The following DCBLD2 variants were observed in gnomAD, a reference collection of about 807,000 sequenced individuals.
DCBLD2 encodes the protein discoidin, CUB and LCCL domain containing 2, also known as discoidin, CUB and LCCL domain-containing protein 2.
DCBLD2 carries 54 observed loss-of-function variants against 86.8 expected under a neutral mutation model. The ratio of observed to expected loss-of-function variants is 0.62; its 90% CI spans 0.50 to 0.78. DCBLD2 has a LOEUF of 0.78. DCBLD2 is among the 30% of genes least tolerant of loss of function. The pLI, the probability that DCBLD2 is intolerant of heterozygous loss-of-function variation, is 0.00. For synonymous variants in DCBLD2, 354 were observed against 341.3 expected (o/e 1.04, Z -0.41); for missense variants, 908 against 954.2 (o/e 0.95, Z 0.64).
At chr3:98,835,708 C>A (rs1030808523) in intron 3 of DCBLD2, among the ~76,000 whole-genome samples, 15 of 148,750 alleles carry the variant, frequency 1.0e-4, no homozygotes, top group African/African-American at 3.2e-4. Flanking sequence ...TGCCACCATG[C>A]CTGGCTAATT....
intron 4 of DCBLD2, among the ~76,000 whole-genome samples, chr3:98,824,320 T>G (rs1212668276): frequency 7.4e-6 from 1 of 135,594 alleles, no homozygotes; most frequent in Non-Finnish European, 1.6e-5. Flanking sequence ...TAGGCAATAG[T>G]ACAGCAGCCC....
chr3:98,870,733 AAGAAAAAGAAAGAAAGAAAG>A (rs1207537504), intron 2 of DCBLD2, among the ~76,000 whole-genome samples: 8 of 113,892 alleles, frequency 7.0e-5, no homozygotes, highest in African/African-American at 2.8e-4. Context: ...AAAGAAAAGA[AAGAAAAAGAAAGAAAGAAAG>A]AAAGAAAGAA....
At chr3:98,850,103 T>C (rs181170307) in intron 2 of DCBLD2, among the ~76,000 whole-genome samples, 4 of 152,304 alleles carry the variant, frequency 2.6e-5, no homozygotes, top group Admixed American at 1.3e-4. Flanking sequence ...ATCCCATGGC[T>C]TTAACTATGA....
chr3:98,845,988 T>G (rs955332075), intron 3 of DCBLD2, among the ~76,000 whole-genome samples: 22 of 152,240 alleles, frequency 1.4e-4, no homozygotes, highest in African/African-American at 5.1e-4. Flanking sequence ...ATACTTTATT[T>G]CATAGTTGCA....
rs759347951 is a variant in DCBLD2, at chr3:98,800,682, T to C, written c.1755A>G (p.Ala585=). The C allele has an allele frequency of 1.9e-6, 3 of 1,613,952 alleles. No individual in the cohort carries two copies. The highest frequency in any genetic ancestry group is 2.5e-6 in the Non-Finnish European group (3 of 1,179,862). The change falls in exon 15 of 16, where the codon GCA becomes GCG. Residue 585 remains alanine, a synonymous_variant. Coordinates refer to ENST00000326840, the MANE Select transcript of DCBLD2 (RefSeq NM_080927.4). ...WWKGMKQFLP[A]KAVDHEETPV... is the part of the protein sequence containing the mutation. ...GGGTTTCCTCATGGTCCACTGCTTT[T>C]GCAGGAAGAAACTGCTTCATTCCTT...
intron 12 of DCBLD2, among the ~76,000 whole-genome samples, chr3:98,809,931 A>T (rs1307482102): frequency 6.6e-6 from 1 of 152,220 alleles, no homozygotes; most frequent in African/African-American, 2.4e-5. Flanking sequence ...GAAGATAATC[A>T]AGTTTAGATG....
chr3:98,849,444 CA>C lies in DCBLD2; in HGVS notation c.571+16del, dbSNP rs1323938761. 3.1e-6 allele frequency: 5 copies of C among 1,613,808 alleles called. No individual in the cohort carries two copies. Among genetic ancestry groups the C allele is most frequent in the Middle Eastern group, 1.7e-4 (1 of 6,060 alleles). The stretch of plus-strand genomic sequence containing the variant: ...AAATTACAAACTGTAGGAACCATTG[CA>C]AAAGGTGAAAATTACCTTGTTTATC... On this transcript the variant is annotated intron_variant, in intron 3 of 15. Coordinates refer to ENST00000326840, the MANE Select transcript of DCBLD2 (RefSeq NM_080927.4).
At chr3:98,810,704 TA>T (rs1198082071) in intron 12 of DCBLD2, among the ~76,000 whole-genome samples, 1 of 152,198 alleles carries the variant, frequency 6.6e-6, no homozygotes, top group Non-Finnish European at 1.5e-5. Flanking sequence ...TGCAAACACT[TA>T]AAAAGAGACC....
At chr3:98,858,298 C>T (rs547232649) in intron 2 of DCBLD2, among the ~76,000 whole-genome samples, 3 of 152,362 alleles carry the variant, frequency 2.0e-5, no homozygotes, top group South Asian at 2.1e-4. Context: ...TTCCCGCCTG[C>T]GCCTCTCCCT....
chr3:98,842,424 A>G (rs962244174), intron 3 of DCBLD2, among the ~76,000 whole-genome samples: 5 of 152,200 alleles, frequency 3.3e-5, no homozygotes, highest in South Asian at 2.1e-4. Flanking sequence ...AGCATCTGCA[A>G]TTCTGTTAAG....
chr3:98,873,029 C>A (rs1333011841), intron 2 of DCBLD2, among the ~76,000 whole-genome samples: 1 of 151,984 alleles, frequency 6.6e-6, no homozygotes, highest in Non-Finnish European at 1.5e-5. Flanking sequence ...ACAGACACAG[C>A]AGGATAATGA....
At chr3:98,865,942 G>A (rs1407140704) in intron 2 of DCBLD2, among the ~76,000 whole-genome samples, 2 of 143,762 alleles carry the variant, frequency 1.4e-5, no homozygotes. Context: ...TCCCACCTAT[G>A]AGTGAGAACA....
At chr3:98,858,013 T>G (rs1005032252) in intron 2 of DCBLD2, among the ~76,000 whole-genome samples, 1 of 152,232 alleles carries the variant, frequency 6.6e-6, no homozygotes. Context: ...CTGGGTGCCA[T>G]GGAGCAGGGG....
At chr3:98,802,763 A>T (rs896371567) in intron 13 of DCBLD2, among the ~76,000 whole-genome samples, 2 of 152,228 alleles carry the variant, frequency 1.3e-5, no homozygotes, top group African/African-American at 2.4e-5. Context: ...AGCTTTCTAC[A>T]TATGGCTAGC....
intron 13 of DCBLD2, 67 bp from the exon 14 acceptor site, chr3:98,801,716 C>G (rs1178047852): frequency 4.2e-6 from 5 of 1,179,814 alleles, no homozygotes; most frequent in Non-Finnish European, 6.1e-6. Flanking sequence ...TCCCCCTACC[C>G]CATGACAGGC....
chr3:98,817,789 G>A lies in DCBLD2; in HGVS notation c.1192C>T (p.Pro398Ser). The A allele has an allele frequency of 1.2e-6, 2 of 1,613,446 alleles. No homozygotes were observed. The highest frequency in any genetic ancestry group is 1.7e-6 in the Non-Finnish European group (2 of 1,179,580). Residue 398 changes from proline to serine, a missense_variant, in exon 9 of 16, where the codon CCT becomes TCT. Transcript: ENST00000326840. ...DGQKWTVYREPGVEQDKIFQG... is the reference protein window; with the variant it reads ...DGQKWTVYRESGVEQDKIFQG... ...TTTACCTTATCTTGCTCCACACCAGGCTCTCTGTACACAGTCCATTTCTGC... is the reference window on the plus strand; with the variant it reads ...TTTACCTTATCTTGCTCCACACCAGACTCTCTGTACACAGTCCATTTCTGC...
Position 98,823,906 on chromosome 3 carries a change from T to C in DCBLD2, c.624-1165A>G, listed in dbSNP as rs372524950. ...CTCTGTACCGCCCCCAGTCAGGGAA[T>C]GGGGGTGGCAGGATGGGGCTCTTAG... is the stretch of plus-strand genomic sequence containing the variant. On this transcript the variant is annotated intron_variant, in intron 4 of 15. Transcript: ENST00000326840. 8.5e-5 allele frequency among the ~76,000 whole-genome samples: 13 copies of C among 152,112 alleles called. No homozygotes were observed. The South Asian group carries it at 1.2e-3, about 15-fold the overall frequency.
At chr3:98,836,968 G>A (rs1162427846) in intron 3 of DCBLD2, among the ~76,000 whole-genome samples, 1,085 of 73,776 alleles carry the variant, frequency 0.015, no homozygotes, top group African/African-American at 0.025. Context: ...CCGGGCAGAG[G>A]GGCTCCTCAC....
At chr3:98,872,397 C>T (rs1943295014) in intron 2 of DCBLD2, among the ~76,000 whole-genome samples, 1 of 152,162 alleles carries the variant, frequency 6.6e-6, no homozygotes, top group African/African-American at 2.4e-5. Flanking sequence ...AGCCCCTTTC[C>T]CTTCCAGTTT....
Sources: allele counts gnomAD v4.1 joint callset (sites outside exome capture counted in the v4.1 genomes callset), GRCh38; gene constraint gnomAD v4.1.1; transcripts MANE v1.5; gene names NCBI Gene and HGNC (gene_info 2026-07-23, HGNC 2026-07-21).